The following RPS6KA2 variants were observed in gnomAD, a reference collection of about 807,000 sequenced individuals.
The protein encoded by RPS6KA2 is ribosomal protein S6 kinase alpha-2.
A neutral mutation model predicts 91.8 loss-of-function variants in RPS6KA2; 42 were observed. The ratio of observed to expected loss-of-function variants is 0.46; its 90% CI spans 0.36 to 0.59. The LOEUF is 0.59. Among genes scored for constraint, RPS6KA2 ranks in the 20% least tolerant of loss-of-function variants. RPS6KA2 has a pLI of 0.00. For synonymous variants in RPS6KA2, 414 were observed against 393.6 expected (o/e 1.05, Z -0.61); for missense variants, 798 against 978.5 (o/e 0.82, Z 2.46).
rs149624583 is a variant in RPS6KA2, at chr6:166,772,147, T to C, written c.123+86053A>G. 2.8e-4 allele frequency among the ~76,000 whole-genome samples: 43 copies of C among 152,372 alleles called. No homozygotes were observed. In the East Asian group the frequency reaches 7.3e-3, roughly 26 times the overall value. On this transcript the variant is annotated intron_variant, in intron 2 of 21. Coordinates refer to the RPS6KA2 transcript ENST00000503859. ...GTACTGGGCATGTATGGTGAGCCTA[T>C]GTGGGGTTTCTACCCAGCAGCCCTT... is the stretch of plus-strand genomic sequence containing the variant.
rs74791488 is a variant in RPS6KA2, at chr6:166,434,663, G to A, written c.1333-2173C>T. Among the ~76,000 whole-genome samples, 2,233 of 152,164 alleles carry A rather than the reference G, an allele frequency of 0.015. 30 individuals are homozygous for A. Among genetic ancestry groups the A allele is most frequent in the Non-Finnish European group, 0.023 (1,579 of 68,004 alleles). On this transcript the variant is annotated intron_variant, in intron 14 of 20. Coordinates refer to ENST00000265678, the MANE Select transcript of RPS6KA2 (RefSeq NM_021135.6). The surrounding 1 kb of genome is among the most constrained non-coding windows in gnomAD (Gnocchi z 4.4). The stretch of plus-strand genomic sequence containing the variant: ...AAAGAATTCAGTAGAAGATTTTTTC[G>A]CAAATATGATTTCATGATAAAGGGA...
intron 2 of RPS6KA2, chr6:166,701,270 C>A (rs1789510475): frequency 6.2e-7 from 1 of 1,612,274 alleles, no homozygotes; most frequent in Non-Finnish European, 8.5e-7. Context: ...CAAGGGACAA[C>A]AACTTCTGCA....
chr6:166,618,441 T>C (rs1393338401), intron 1 of RPS6KA2, among the ~76,000 whole-genome samples: 3 of 151,760 alleles, frequency 2.0e-5, no homozygotes, highest in Middle Eastern at 6.8e-3. Flanking sequence ...GGGGTATGGG[T>C]AGGGCCTGAG....
Position 166,469,872 on chromosome 6 carries a change from C to A in RPS6KA2, c.941G>T (p.Arg314Leu), listed in dbSNP as rs759240466. 1 of 1,614,174 alleles carries A rather than the reference C, an allele frequency of 6.2e-7. No individual in the cohort carries two copies. The highest frequency in any genetic ancestry group is 8.5e-7 in the Non-Finnish European group (1 of 1,180,012). Residue 314 changes from arginine to leucine, a missense_variant, in exon 11 of 21, where the codon CGC becomes CTC. Transcript: ENST00000265678. ...GTCTATGGTCACAAAGAAGGGATGG[C>A]GCTTAATTTCCTCCACTCCGTCAAT... ...AGIDGVEEIK[R>L]HPFFVTIDWN...
intron 2 of RPS6KA2, chr6:166,701,093 C>T: frequency 1.2e-6 from 2 of 1,606,210 alleles, no homozygotes; most frequent in Non-Finnish European, 8.5e-7. Flanking sequence ...TTTCCTGAGC[C>T]TTACTTCCGT....
chr6:166,785,445 G>T (rs769174048), intron 2 of RPS6KA2, among the ~76,000 whole-genome samples: 16 of 152,154 alleles, frequency 1.1e-4, no homozygotes, highest in Non-Finnish European at 2.2e-4. Context: ...CTTACTTGAG[G>T]GTTTATTATT....
intron 2 of RPS6KA2, among the ~76,000 whole-genome samples, chr6:166,712,778 C>T (rs750393103): frequency 6.6e-6 from 1 of 152,184 alleles, no homozygotes; most frequent in African/African-American, 2.4e-5. Flanking sequence ...TCCCGGCGCC[C>T]CCTTCTAGAT....
At chr6:166,804,054 T>C (rs1014218662) in intron 2 of RPS6KA2, among the ~76,000 whole-genome samples, 21 of 152,266 alleles carry the variant, frequency 1.4e-4, no homozygotes, top group African/African-American at 4.1e-4. Flanking sequence ...CTGATGATTC[T>C]GGTTATTGAT....
chr6:166,539,333 G>A (rs1052967565), intron 1 of RPS6KA2, among the ~76,000 whole-genome samples: 2 of 152,160 alleles, frequency 1.3e-5, no homozygotes, highest in Admixed American at 6.5e-5. Flanking sequence ...CAAGGCCTCC[G>A]AAAAATCTAA....
At chr6:166,682,020 A>G (rs1788832982) in intron 2 of RPS6KA2, among the ~76,000 whole-genome samples, 1 of 152,176 alleles carries the variant, frequency 6.6e-6, no homozygotes, top group Non-Finnish European at 1.5e-5. Context: ...AAACTGGCCT[A>G]ACCAATGTAT....
At position 166,612,124 on chromosome 6, in the gene RPS6KA2, G is replaced by A. The variant is rs1786202443; in HGVS notation, c.99+14797C>T. ...TTCTTTTTCCTCTTATTTTTCCTCCGTCGTCCAACATCAAGATGCAAGGGC... is the reference window on the plus strand; with the variant it reads ...TTCTTTTTCCTCTTATTTTTCCTCCATCGTCCAACATCAAGATGCAAGGGC... On this transcript the variant is annotated intron_variant, in intron 1 of 20. Coordinates refer to ENST00000265678, the MANE Select transcript of RPS6KA2 (RefSeq NM_021135.6). This position sits in a 1 kb window ranked among gnomAD's most constrained non-coding sequence, Gnocchi z 4.3. Among the ~76,000 whole-genome samples the A allele has an allele frequency of 1.3e-5, 2 of 151,668 alleles. No homozygotes were observed. Among genetic ancestry groups the A allele is most frequent in the South Asian group, 4.2e-4 (2 of 4,810 alleles).
At chr6:166,695,345 CG>C (rs1277563937) in intron 2 of RPS6KA2, among the ~76,000 whole-genome samples, 3 of 152,162 alleles carry the variant, frequency 2.0e-5, no homozygotes, top group Non-Finnish European at 2.9e-5. Context: ...GGAGCAAACC[CG>C]GAGCCAGAGA....
intron 2 of RPS6KA2, among the ~76,000 whole-genome samples, chr6:166,535,307 G>A (rs1044934825): frequency 2.0e-5 from 3 of 152,168 alleles, no homozygotes; most frequent in Non-Finnish European, 4.4e-5. Context: ...CTCAGAACTG[G>A]AGGGTTTCTA....
At chr6:166,553,883 C>T (rs2128502311) in intron 1 of RPS6KA2, among the ~76,000 whole-genome samples, 1 of 151,726 alleles carries the variant, frequency 6.6e-6, no homozygotes, top group South Asian at 2.1e-4. Flanking sequence ...TAGCGCAAAT[C>T]CCCACCGAGA....
chr6:166,579,740 A>G (rs559117418), intron 1 of RPS6KA2, among the ~76,000 whole-genome samples: 10 of 152,330 alleles, frequency 6.6e-5, no homozygotes, highest in African/African-American at 2.4e-4. Context: ...TAATGTCGCT[A>G]AATTTCACGA....
chr6:166,688,106 G>C (rs137942010), intron 2 of RPS6KA2, among the ~76,000 whole-genome samples: 33 of 152,292 alleles, frequency 2.2e-4, no homozygotes, highest in African/African-American at 6.5e-4. Context: ...ACCTCAGGGT[G>C]GGAGGGGTAT....
intron 2 of RPS6KA2, among the ~76,000 whole-genome samples, chr6:166,727,881 G>C (rs988203649): frequency 2.1e-5 from 3 of 144,546 alleles, no homozygotes; most frequent in Admixed American, 2.0e-4. Context: ...TTCAGGAGCC[G>C]AGCACCAGTG....
chr6:166,636,604 T>C (rs2128547959), intron 2 of RPS6KA2, among the ~76,000 whole-genome samples: 1 of 152,276 alleles, frequency 6.6e-6, no homozygotes, highest in Admixed American at 6.5e-5. Flanking sequence ...TAAATGCTTG[T>C]CTCCAGTAAT....
intron 2 of RPS6KA2, among the ~76,000 whole-genome samples, chr6:166,790,620 C>T (rs1018280466): frequency 2.3e-4 from 35 of 152,148 alleles, no homozygotes; most frequent in Non-Finnish European, 4.3e-4. Flanking sequence ...AGAGAAAGCT[C>T]GGGTTACCCA....
Sources: gnomAD v4.1 joint callset for allele counts (sites outside exome capture counted in the v4.1 genomes callset) on GRCh38, gnomAD v4.1.1 for gene constraint, Gnocchi (gnomAD v3.1) non-coding constraint, MANE v1.5 for transcripts, NCBI Gene and HGNC (gene_info 2026-07-23, HGNC 2026-07-21) for gene names.